Variants in RBFOX1 observed in about 807,000 individuals in gnomAD.
RBFOX1 encodes RNA binding protein fox-1 homolog 1.
RBFOX1 carries 8 observed loss-of-function variants against 57.7 expected under a neutral mutation model. The ratio of observed to expected loss-of-function variants is 0.14; its 90% CI spans 0.08 to 0.25. The LOEUF (loss-of-function observed/expected upper bound fraction) is 0.25. RBFOX1 is among the 10% of genes least tolerant of loss of function. RBFOX1 has a pLI of 1.00. For missense variants in RBFOX1, 611 were observed against 548.5 expected (o/e 1.11, Z -1.14); for synonymous variants, 326 against 222.4 (o/e 1.47, Z -4.15).
chr16:6,442,293 C>A (rs1240696163), intron 2 of RBFOX1, among the ~76,000 whole-genome samples: 2 of 152,170 alleles, frequency 1.3e-5, no homozygotes, highest in Non-Finnish European at 2.9e-5. Flanking sequence ...CACGGTGGCT[C>A]ACACCTGTAA....
intron 2 of RBFOX1, among the ~76,000 whole-genome samples, chr16:6,421,608 C>G (rs1359425783): frequency 1.3e-5 from 2 of 152,170 alleles, no homozygotes; most frequent in Non-Finnish European, 2.9e-5. Flanking sequence ...ATATTGCATT[C>G]TATTTGTTCC....
At chr16:6,071,759 C>G (rs545279830) in intron 1 of RBFOX1, among the ~76,000 whole-genome samples, 1 of 152,160 alleles carries the variant, frequency 6.6e-6, no homozygotes, top group Non-Finnish European at 1.5e-5. Flanking sequence ...CCCCGTGGCT[C>G]CTGGTTACCA....
At chr16:7,052,464 G>C (rs900889825) in intron 4 of RBFOX1, among the ~76,000 whole-genome samples, 1 of 152,198 alleles carries the variant, frequency 6.6e-6, no homozygotes, top group African/African-American at 2.4e-5. Context: ...TGTTTGCTGA[G>C]TGGCTAAAAT....
chr16:7,668,172 C>T (rs2070050766), intron 13 of RBFOX1, among the ~76,000 whole-genome samples: 1 of 152,140 alleles, frequency 6.6e-6, no homozygotes, highest in Non-Finnish European at 1.5e-5. Flanking sequence ...TCTCTCCCCT[C>T]CCCCGTCCTT....
chr16:6,073,172 A>G (rs900749354), intron 1 of RBFOX1, among the ~76,000 whole-genome samples: 4 of 152,194 alleles, frequency 2.6e-5, no homozygotes, highest in Non-Finnish European at 4.4e-5. Flanking sequence ...CAAGTTGATA[A>G]CTAAGCCTTC....
intron 1 of RBFOX1, among the ~76,000 whole-genome samples, chr16:6,185,242 C>T (rs1258020709): frequency 3.3e-5 from 5 of 152,196 alleles, no homozygotes; most frequent in Non-Finnish European, 5.9e-5. Flanking sequence ...CTGTCACTCT[C>T]TTTCTCTGAT....
intron 4 of RBFOX1, among the ~76,000 whole-genome samples, chr16:7,182,312 C>T (rs966581793): frequency 2.6e-5 from 4 of 151,874 alleles, no homozygotes; most frequent in African/African-American, 9.7e-5. Context: ...GTCACCTGCC[C>T]CCCTGCAAAA....
In RBFOX1 at chr16:6,137,034, G is replaced by A. The variant is rs192933494; in HGVS notation, c.-127+117042G>A. On this transcript the variant is annotated intron_variant, in intron 1 of 15. Coordinates refer to ENST00000550418, the MANE Select transcript of RBFOX1 (RefSeq NM_018723.4). Reference sequence around the variant, plus strand: ...CTGGAAACTCCCAACTTGCTTTTTTGTTTTGCTTCTGATCCGAGACGTTTT... The same window carrying A: ...CTGGAAACTCCCAACTTGCTTTTTTATTTTGCTTCTGATCCGAGACGTTTT... 1.7e-4 allele frequency among the ~76,000 whole-genome samples: 26 copies of A among 152,114 alleles called. No individual in the cohort carries two copies. The East Asian group carries it at 3.7e-3, about 21-fold the overall frequency.
intron 3 of RBFOX1, among the ~76,000 whole-genome samples, chr16:5,759,899 C>T (rs973866845): frequency 1.3e-5 from 2 of 152,014 alleles, no homozygotes; most frequent in South Asian, 4.2e-4. Context: ...CAACCACCTG[C>T]AGTTTTACTG....
At chr16:5,649,693 C>T (rs147055574) in intron 3 of RBFOX1, among the ~76,000 whole-genome samples, 15 of 152,302 alleles carry the variant, frequency 9.8e-5, no homozygotes, top group East Asian at 7.7e-4. Context: ...GCAATATCCA[C>T]GCACAAAGTA....
At chr16:7,651,338 C>A (rs1032482913) in intron 11 of RBFOX1, among the ~76,000 whole-genome samples, 1 of 152,124 alleles carries the variant, frequency 6.6e-6, no homozygotes, top group African/African-American at 2.4e-5. Context: ...AAACCCCACC[C>A]GCTCCCTTCA....
At chr16:7,478,961 C>G (rs1056069150) in intron 4 of RBFOX1, among the ~76,000 whole-genome samples, 2 of 151,948 alleles carry the variant, frequency 1.3e-5, no homozygotes, top group African/African-American at 4.8e-5. Flanking sequence ...GGACCGAACA[C>G]GGTATTAGCC....
intron 4 of RBFOX1, among the ~76,000 whole-genome samples, chr16:7,459,130 G>C (rs2059085481): frequency 1.3e-5 from 2 of 152,092 alleles, no homozygotes; most frequent in African/African-American, 4.8e-5. Flanking sequence ...GGGTGGGTGA[G>C]TGGATGGATG....
chr16:7,148,414 C>T (rs1419682986), intron 4 of RBFOX1, among the ~76,000 whole-genome samples: 1 of 152,130 alleles, frequency 6.6e-6, no homozygotes, highest in South Asian at 2.1e-4. Context: ...GAATTTTCAC[C>T]TCATCTTAAG....
chr16:6,192,026 G>T (rs2097144970), intron 1 of RBFOX1, among the ~76,000 whole-genome samples: 1 of 152,180 alleles, frequency 6.6e-6, no homozygotes, highest in African/African-American at 2.4e-5. Context: ...CATGGAATTA[G>T]AACATTTCTG....
chr16:7,472,540 G>C (rs2061757809), intron 4 of RBFOX1, among the ~76,000 whole-genome samples: 1 of 152,180 alleles, frequency 6.6e-6, no homozygotes, highest in Non-Finnish European at 1.5e-5. Context: ...CGATATTTAT[G>C]CAGTACACAG....
At chr16:5,535,261 A>C (rs2044649823) in intron 2 of RBFOX1, among the ~76,000 whole-genome samples, 1 of 152,216 alleles carries the variant, frequency 6.6e-6, no homozygotes, top group African/African-American at 2.4e-5. Context: ...CATCAACTCC[A>C]AAATCTCACC....
intron 1 of RBFOX1, among the ~76,000 whole-genome samples, chr16:6,231,397 C>G (rs2097459081): frequency 1.3e-5 from 2 of 151,956 alleles, no homozygotes; most frequent in Admixed American, 1.3e-4. Flanking sequence ...AAATGTTGCC[C>G]AAAGAATCCC....
Position 7,108,605 on chromosome 16 carries a change from G to T in RBFOX1, c.27+56507G>T, listed in dbSNP as rs1478696. The stretch of plus-strand genomic sequence containing the variant: ...GTATGGTTCAGTGGGATTTGTTAGA[G>T]ATATGATTAATTGCTTGTAAAATAG... On this transcript the variant is annotated intron_variant, in intron 4 of 15. Coordinates refer to ENST00000550418, the MANE Select transcript of RBFOX1 (RefSeq NM_018723.4). Among the ~76,000 whole-genome samples, 1,383 of 152,024 alleles carry T rather than the reference G, an allele frequency of 9.1e-3. 9 individuals carry two copies. Among genetic ancestry groups the T allele is most frequent in the Non-Finnish European group, 0.013 (904 of 67,974 alleles).
Sources: allele counts gnomAD v4.1 joint callset (sites outside exome capture counted in the v4.1 genomes callset), GRCh38; gene constraint gnomAD v4.1.1; transcripts MANE v1.5; gene names NCBI Gene and HGNC (gene_info 2026-07-23, HGNC 2026-07-21).